Variants in MACC1 observed in about 807,000 individuals in gnomAD.
The protein encoded by MACC1 is metastasis-associated in colon cancer protein 1.
MACC1 carries 79 observed loss-of-function variants against 70.7 expected under a neutral mutation model. That is an observed-to-expected ratio of 1.12 (90% CI 0.93 to 1.35). The LOEUF (loss-of-function observed/expected upper bound fraction) is 1.35, where lower values mean the gene tolerates loss of function less well. Among genes scored for constraint, MACC1 ranks in the 40% most tolerant of loss-of-function variants. The pLI is 0.00. For synonymous variants in MACC1, 361 were observed against 347.2 expected (o/e 1.04, Z -0.44); for missense variants, 1,106 against 978.1 (o/e 1.13, Z -1.74).
chr7:20,216,360 T>A (rs1299441537), intron 1 of MACC1, among the ~76,000 whole-genome samples: 1 of 152,150 alleles, frequency 6.6e-6, no homozygotes, highest in Non-Finnish European at 1.5e-5. Context: ...AAACTTAACA[T>A]ACAATTTACC....
intron 1 of MACC1, among the ~76,000 whole-genome samples, chr7:20,193,024 G>T (rs7779242): frequency 0.012 from 1,778 of 152,220 alleles, 34 homozygotes; most frequent in African/African-American, 0.04. Context: ...TTTTTCTTAA[G>T]ATGCCCCTGT....
intron 1 of MACC1, among the ~76,000 whole-genome samples, chr7:20,176,454 T>C (rs1168559491): frequency 2.0e-5 from 3 of 152,164 alleles, no homozygotes; most frequent in African/African-American, 7.2e-5. Flanking sequence ...TTACTAATCA[T>C]CATGTTTCTC....
Position 20,159,690 on chromosome 7 carries a change from G to A in MACC1, c.671C>T (p.Ser224Leu). The A allele has an allele frequency of 6.2e-7, 1 of 1,614,136 alleles. No homozygotes were observed. Among genetic ancestry groups the A allele is most frequent in the Non-Finnish European group, 8.5e-7 (1 of 1,180,030 alleles). The change falls in exon 5 of 7, where the codon TCA becomes TTA. Residue 224 changes from serine to leucine, a missense_variant. By Grantham distance (145) the Ser-to-Leu change is moderately radical. Transcript: ENST00000400331. ...GATGTCTGATTCAGGTAATTGTACTGACCCTCCTTGATGGTTTACTTTGCA... is the reference window on the plus strand; with the variant it reads ...GATGTCTGATTCAGGTAATTGTACTAACCCTCCTTGATGGTTTACTTTGCA... ...IACKVNHQGGSVQLPESDITV... is the reference protein window; with the variant it reads ...IACKVNHQGGLVQLPESDITV...
intron 1 of MACC1, among the ~76,000 whole-genome samples, chr7:20,188,835 A>G (rs941088798): frequency 6.6e-6 from 1 of 152,194 alleles, no homozygotes; most frequent in Admixed American, 6.5e-5. Context: ...GTCAGATTAT[A>G]TTACTTGGGT....
At chr7:20,207,836 C>G (rs1260660048) in intron 1 of MACC1, among the ~76,000 whole-genome samples, 1 of 152,112 alleles carries the variant, frequency 6.6e-6, no homozygotes, top group African/African-American at 2.4e-5. Flanking sequence ...AAAAGGTTAA[C>G]AGGATATACA....
At chr7:20,189,252 C>T (rs1053466415) in intron 1 of MACC1, among the ~76,000 whole-genome samples, 2 of 152,150 alleles carry the variant, frequency 1.3e-5, no homozygotes, top group African/African-American at 4.8e-5. Context: ...TCACAAAATA[C>T]AATATGCTAT....
chr7:20,181,667 A>G (rs918305182), intron 1 of MACC1, among the ~76,000 whole-genome samples: 1 of 152,176 alleles, frequency 6.6e-6, no homozygotes, highest in South Asian at 2.1e-4. Context: ...CCTTTCTCTT[A>G]TACCACAATT....
chr7:20,149,014 T>C (rs958868342), intron 6 of MACC1, among the ~76,000 whole-genome samples: 1 of 152,116 alleles, frequency 6.6e-6, no homozygotes, highest in East Asian at 1.9e-4. Context: ...TAATTCAACA[T>C]CCCTGTAAGC....
At chr7:20,168,102 A>G (rs947576071) in intron 2 of MACC1, among the ~76,000 whole-genome samples, 1 of 152,128 alleles carries the variant, frequency 6.6e-6, no homozygotes, top group African/African-American at 2.4e-5. Flanking sequence ...TGTCTTTTTT[A>G]TTTGAATTCC....
In MACC1 at chr7:20,135,144, A is replaced by C. The variant is rs1244869429; in HGVS notation, c.*5802T>G. On this transcript the variant is annotated 3_prime_UTR_variant, in exon 7 of 7. Transcript: ENST00000400331. ...GGAAAACAAGGCTTTTTCCGAAGATATTTTACAGAAACAAATGCAATGTTA... is the reference window on the plus strand; with the variant it reads ...GGAAAACAAGGCTTTTTCCGAAGATCTTTTACAGAAACAAATGCAATGTTA... The C allele has an allele frequency of 6.6e-5, 10 of 152,244 alleles. No individual in the cohort carries two copies. Among genetic ancestry groups the C allele is most frequent in the African/African-American group, 2.4e-4 (10 of 41,464 alleles). The allele number at this position is 152,244 out of a possible 1,614,324, so 9.4% of individuals were successfully genotyped here.
At chr7:20,203,697 T>C (rs1782866752) in intron 1 of MACC1, among the ~76,000 whole-genome samples, 1 of 152,222 alleles carries the variant, frequency 6.6e-6, no homozygotes, top group African/African-American at 2.4e-5. Flanking sequence ...TTATTTTTTA[T>C]TGCAACTTGG....
At chr7:20,194,440 C>T (rs1782719820) in intron 1 of MACC1, among the ~76,000 whole-genome samples, 1 of 152,118 alleles carries the variant, frequency 6.6e-6, no homozygotes, top group Admixed American at 6.5e-5. Flanking sequence ...GAAAGAAACA[C>T]ACGAAGAGGC....
chr7:20,193,246 G>A (rs1782699164), intron 1 of MACC1, among the ~76,000 whole-genome samples: 1 of 152,082 alleles, frequency 6.6e-6, no homozygotes, highest in Non-Finnish European at 1.5e-5. Flanking sequence ...GTTTGGTAAT[G>A]GATGAATAAT....
intron 1 of MACC1, among the ~76,000 whole-genome samples, chr7:20,195,993 G>T (rs1023502892): frequency 2.0e-5 from 3 of 151,948 alleles, no homozygotes; most frequent in Admixed American, 2.0e-4. Context: ...TGTCTAAACT[G>T]CAAAGGGATG....
chr7:20,165,991 C>G (rs531049635), intron 2 of MACC1, among the ~76,000 whole-genome samples: 1 of 152,018 alleles, frequency 6.6e-6, no homozygotes, highest in Non-Finnish European at 1.5e-5. Flanking sequence ...GGGTGGGGAG[C>G]AATGCAGTGT....
At chr7:20,177,128 T>C (rs1164288683) in intron 1 of MACC1, among the ~76,000 whole-genome samples, 1 of 152,024 alleles carries the variant, frequency 6.6e-6, no homozygotes, top group Non-Finnish European at 1.5e-5. Context: ...TTAGGGGAAC[T>C]AGATGGAAGG....
At chr7:20,215,782 C>G (rs932630971) in intron 1 of MACC1, among the ~76,000 whole-genome samples, 1 of 152,118 alleles carries the variant, frequency 6.6e-6, no homozygotes, top group Admixed American at 6.6e-5. Flanking sequence ...TCCAAATCAG[C>G]CAATACATTT....
At chr7:20,205,470 A>T (rs1389190064) in intron 1 of MACC1, among the ~76,000 whole-genome samples, 1 of 152,122 alleles carries the variant, frequency 6.6e-6, no homozygotes, top group African/African-American at 2.4e-5. Flanking sequence ...TCAATTTCCT[A>T]AAACCACTTC....
At chr7:20,175,824 T>C (rs1782382698) in intron 1 of MACC1, among the ~76,000 whole-genome samples, 1 of 152,092 alleles carries the variant, frequency 6.6e-6, no homozygotes, top group Non-Finnish European at 1.5e-5. Context: ...TTGCTGACGG[T>C]GAAGCTGGAG....
Sources: allele counts gnomAD v4.1 joint callset (sites outside exome capture counted in the v4.1 genomes callset), GRCh38; gene constraint gnomAD v4.1.1; transcripts MANE v1.5; gene names NCBI Gene and HGNC (gene_info 2026-07-23, HGNC 2026-07-21).